Variants in SPAG17 observed in about 807,000 individuals in gnomAD.
SPAG17 encodes the protein sperm associated antigen 17, also known as sperm-associated antigen 17.
Under a neutral mutation model 273.6 loss-of-function variants are expected in SPAG17, and 169 were observed. The ratio of observed to expected loss-of-function variants is 0.62; its 90% CI spans 0.55 to 0.70. The LOEUF (loss-of-function observed/expected upper bound fraction) is 0.70. SPAG17 is among the 30% of genes least tolerant of loss of function. The probability of loss-of-function intolerance (pLI) is 0.00; values close to 1 mark genes in which losing one functional copy is unlikely to be tolerated. For synonymous variants in SPAG17, 825 were observed against 873.2 expected (o/e 0.94, Z 0.97); for missense variants, 2,557 against 2,627.8 (o/e 0.97, Z 0.59).
chr1:117,959,711 T>C (rs2101335044), intron 48 of SPAG17: 1 of 291,062 alleles, frequency 3.4e-6, no homozygotes, highest in East Asian at 5.9e-5. Context: ...CTCAAGCTTG[T>C]TGTTCCCTTT....
At position 117,979,151 on chromosome 1, in the gene SPAG17, G is replaced by A. The variant is rs137871627; in HGVS notation, c.6004+2119C>T. Among the ~76,000 whole-genome samples the A allele has an allele frequency of 8.2e-3, 1,247 of 152,230 alleles. 16 individuals are homozygous for A. The highest frequency in any genetic ancestry group is 0.029 in the African/African-American group (1,190 of 41,530). On this transcript the variant is annotated intron_variant, in intron 43 of 48. Coordinates refer to ENST00000336338, the MANE Select transcript of SPAG17 (RefSeq NM_206996.4). ...TCCAAAGTGCTGGGATTACAGGCATGAGCCACCGCGCCTGGCCTACTGGCG... is the reference window on the plus strand; with the variant it reads ...TCCAAAGTGCTGGGATTACAGGCATAAGCCACCGCGCCTGGCCTACTGGCG...
rs2101409533 is a variant in SPAG17, at chr1:117,964,017, T to C, written c.6533-79A>G. The C allele has an allele frequency of 1.2e-5, 18 of 1,476,100 alleles. No individual in the cohort carries two copies. In the South Asian group the frequency reaches 1.6e-4, roughly 13 times the overall value. 91.4% of individuals were successfully genotyped at this position (1,476,100 alleles called of 1,614,324 possible). On this transcript the variant is annotated intron_variant, in intron 47 of 48. Coordinates refer to ENST00000336338, the MANE Select transcript of SPAG17 (RefSeq NM_206996.4). The stretch of plus-strand genomic sequence containing the variant: ...AAACCTAAATAACATTTTAGAATCA[T>C]AGAATTTCTTCTCTGGCAACATCAG...
intron 2 of SPAG17, 142 bp from the exon 3 acceptor site, chr1:118,150,771 T>G: frequency 5.5e-6 from 3 of 546,316 alleles, no homozygotes; most frequent in Non-Finnish European, 3.2e-6. Context: ...AGGTAAAATA[T>G]TTATAGTTAC....
chr1:118,025,487 T>C (rs1383204828), intron 26 of SPAG17, 71 bp from the exon 27 acceptor site: 3 of 1,135,260 alleles, frequency 2.6e-6, no homozygotes, highest in Admixed American at 5.4e-5. Context: ...TCTTGCTTAA[T>C]TATTTTCTTT....
rs373628026 is a variant in SPAG17 at position 117,953,965 on chromosome 1, G to C, written c.*85C>G. On this transcript the variant is annotated 3_prime_UTR_variant, in exon 49 of 49. Transcript: ENST00000336338. ...CCAGTTTCAGTGTCCTGGGATGATG[G>C]AGTATGTTGTGATGACTTCTTTCCT... 4 of 1,518,888 alleles carry C rather than the reference G, an allele frequency of 2.6e-6. No individual in the cohort carries two copies. The highest frequency in any genetic ancestry group is 3.6e-6 in the Non-Finnish European group (4 of 1,108,878). 94.1% of individuals were successfully genotyped at this position (1,518,888 alleles called of 1,614,324 possible).
At position 118,015,970 on chromosome 1, in the gene SPAG17, C is replaced by T. The variant is rs1659923839; in HGVS notation, c.4282G>A (p.Gly1428Arg). The change falls in exon 29 of 49, where the codon GGA (glycine) becomes AGA (arginine). Residue 1428 changes from glycine to arginine, a missense_variant. Physicochemically the swap from Gly to Arg is moderately radical, Grantham distance 125. Coordinates refer to ENST00000336338, the MANE Select transcript of SPAG17 (RefSeq NM_206996.4). ...LSFQATDPVN[G>R]TVMTTREDKV... ...TAAACAATAGTTTGTCATACCGTTCCATTGACAGGATCTGTGGCCTGAAAG... is the reference window on the plus strand; with the variant it reads ...TAAACAATAGTTTGTCATACCGTTCTATTGACAGGATCTGTGGCCTGAAAG... 5 of 1,613,778 alleles carry T rather than the reference C, an allele frequency of 3.1e-6. No homozygotes were observed. The Middle Eastern group carries it at 6.6e-4, about 213-fold the overall frequency.
intron 17 of SPAG17, among the ~76,000 whole-genome samples, chr1:118,069,660 A>C (rs1039575528): frequency 5.3e-5 from 8 of 152,244 alleles, no homozygotes; most frequent in African/African-American, 1.9e-4. Flanking sequence ...AGAGAGAGAT[A>C]ATTTAAAAGA....
intron 20 of SPAG17, among the ~76,000 whole-genome samples, chr1:118,049,440 A>G (rs2101969682): frequency 6.6e-6 from 1 of 152,338 alleles, no homozygotes; most frequent in Non-Finnish European, 1.5e-5. Flanking sequence ...AATAAATGTG[A>G]CATGCCATAT....
chr1:118,074,667 G>C (rs1653925157), intron 15 of SPAG17, 67 bp from the exon 16 acceptor site: 2 of 1,403,882 alleles, frequency 1.4e-6, no homozygotes, highest in Non-Finnish European at 2.0e-6. Flanking sequence ...GGTTAATGCT[G>C]TGCTTTTTTG....
chr1:117,956,524 G>A (rs576866313), intron 48 of SPAG17, among the ~76,000 whole-genome samples: 5 of 152,246 alleles, frequency 3.3e-5, no homozygotes, highest in Admixed American at 6.5e-5. Flanking sequence ...GGAAGATTCT[G>A]TGTTTTAAAG....
intron 3 of SPAG17, among the ~76,000 whole-genome samples, chr1:118,139,866 C>T (rs1464997213): frequency 6.6e-6 from 1 of 151,938 alleles, no homozygotes; most frequent in Admixed American, 6.6e-5. Context: ...AAACTTAATC[C>T]CCATTGTGGC....
intron 3 of SPAG17, among the ~76,000 whole-genome samples, chr1:118,120,270 T>C (rs1331423376): frequency 7.3e-6 from 1 of 136,770 alleles, no homozygotes; most frequent in Non-Finnish European, 1.6e-5. Context: ...TACTTTAATA[T>C]TGCTAGTGAG....
chr1:118,113,868 C>T (rs1439883041), intron 4 of SPAG17, among the ~76,000 whole-genome samples: 2 of 152,118 alleles, frequency 1.3e-5, no homozygotes, highest in Non-Finnish European at 1.5e-5. Flanking sequence ...AAAACGTTTT[C>T]CAAGCTACTA....
At chr1:117,985,859 A>T (rs539539101) in intron 40 of SPAG17, among the ~76,000 whole-genome samples, 33 of 152,304 alleles carry the variant, frequency 2.2e-4, no homozygotes, top group Non-Finnish European at 4.3e-4. Context: ...CACATTACCA[A>T]TAAAGGGTGG....
At chr1:118,147,305 A>AAACC (rs1659064894) in intron 3 of SPAG17, among the ~76,000 whole-genome samples, 1 of 152,304 alleles carries the variant, frequency 6.6e-6, no homozygotes, top group South Asian at 2.1e-4. Context: ...CTACTATATA[A>AAACC]TGCAGGCAAT....
Position 118,086,636 on chromosome 1 carries a change from A to G in SPAG17, c.1611+35T>C, listed in dbSNP as rs770528836. On this transcript the variant is annotated intron_variant, in intron 12 of 48. Coordinates refer to ENST00000336338, the MANE Select transcript of SPAG17 (RefSeq NM_206996.4). ...AATAGTTATAAACACACTTTCCCAC[A>G]TCGGTTTTCCTTGGGCTAACCTGAT... is the stretch of plus-strand genomic sequence containing the variant. 12 of 1,564,770 alleles carry G rather than the reference A, an allele frequency of 7.7e-6. 1 individual carries two copies. The highest frequency in any genetic ancestry group is 7.0e-6 in the Non-Finnish European group (8 of 1,137,440).
At chr1:118,117,077 T>G (rs1657131129) in intron 3 of SPAG17, among the ~76,000 whole-genome samples, 1 of 152,168 alleles carries the variant, frequency 6.6e-6, no homozygotes, top group Non-Finnish European at 1.5e-5. Context: ...ATGTCAATAT[T>G]TGGTTTGCAT....
At chr1:118,012,836 A>G (rs1384024894) in intron 29 of SPAG17, among the ~76,000 whole-genome samples, 1 of 152,248 alleles carries the variant, frequency 6.6e-6, no homozygotes, top group East Asian at 1.9e-4. Context: ...TAATGTCATC[A>G]GAGCAGTACT....
intron 3 of SPAG17, among the ~76,000 whole-genome samples, chr1:118,135,775 GAC>G (rs1187365863): frequency 6.6e-6 from 1 of 152,182 alleles, no homozygotes; most frequent in Non-Finnish European, 1.5e-5. Flanking sequence ...GAAATTTTAA[GAC>G]AATGGGAAAC....
Sources: gnomAD v4.1 joint callset for allele counts (sites outside exome capture counted in the v4.1 genomes callset) on GRCh38, gnomAD v4.1.1 for gene constraint, MANE v1.5 for transcripts, NCBI Gene and HGNC (gene_info 2026-07-23, HGNC 2026-07-21) for gene names.